Variants in EMSY observed in about 807,000 individuals in gnomAD.
EMSY encodes the protein EMSY transcriptional repressor, BRCA2 interacting, also known as BRCA2-interacting transcriptional repressor EMSY.
A neutral mutation model predicts 134.6 loss-of-function variants in EMSY; 26 were observed. The ratio of observed to expected loss-of-function variants is 0.19; its 90% CI spans 0.14 to 0.27. The LOEUF (loss-of-function observed/expected upper bound fraction) is 0.27, where lower values mean the gene tolerates loss of function less well. Ranked by LOEUF, EMSY falls within the 10% of genes least tolerant of loss-of-function variation. EMSY has a pLI of 1.00. For missense variants in EMSY, 1,305 were observed against 1,611.4 expected (o/e 0.81, Z 3.26); for synonymous variants, 579 against 577.8 (o/e 1.00, Z -0.03).
intron 8 of EMSY, among the ~76,000 whole-genome samples, chr11:76,494,727 C>A (rs1371559626): frequency 2.5e-5 from 2 of 78,998 alleles, no homozygotes; most frequent in African/African-American, 9.5e-5. Flanking sequence ...TCCTTCCTTC[C>A]TTCCTTCCTT....
chr11:76,493,427 AC>A (rs887284876), intron 8 of EMSY, among the ~76,000 whole-genome samples: 27 of 152,142 alleles, frequency 1.8e-4, no homozygotes, highest in African/African-American at 6.5e-4. Context: ...CCACCCTCAA[AC>A]CAGGGATGGC....
At chr11:76,529,059 A>G (rs908088226) in intron 14 of EMSY, among the ~76,000 whole-genome samples, 2 of 152,198 alleles carry the variant, frequency 1.3e-5, no homozygotes, top group African/African-American at 4.8e-5. Context: ...ATTCTACAGC[A>G]GAAAACTCTT....
chr11:76,545,743 A>C, intron 19 of EMSY, 54 bp from the exon 21 acceptor site: 1 of 1,527,138 alleles, frequency 6.5e-7, no homozygotes, highest in South Asian at 1.3e-5. Flanking sequence ...GTGTTTGATT[A>C]GATTTTCTCA....
At chr11:76,474,632 C>T in intron 8 of EMSY, among the ~76,000 whole-genome samples, 1 of 152,004 alleles carries the variant, frequency 6.6e-6, no homozygotes, top group East Asian at 1.9e-4. Flanking sequence ...GTTCTGATAC[C>T]CATTTAATGT....
At chr11:76,449,744 GT>G (rs1947575544) in intron 2 of EMSY, among the ~76,000 whole-genome samples, 2 of 152,064 alleles carry the variant, frequency 1.3e-5, no homozygotes, top group Non-Finnish European at 2.9e-5. Context: ...CATTTTTACC[GT>G]TCTCTGTTCT....
intron 6 of EMSY, chr11:76,460,309 G>T: frequency 2.2e-6 from 1 of 449,610 alleles, no homozygotes. Context: ...TTGTCTGTGG[G>T]TAATCTGCCT....
intron 12 of EMSY, among the ~76,000 whole-genome samples, chr11:76,526,233 T>A (rs2136331046): frequency 6.6e-6 from 1 of 152,326 alleles, no homozygotes; most frequent in Admixed American, 6.5e-5. Context: ...TAAAATTCGC[T>A]CATCAGAGAA....
intron 5 of EMSY, 26 bp from the exon 7 acceptor site, chr11:76,459,907 A>G (rs1948037145): frequency 1.2e-6 from 2 of 1,605,468 alleles, no homozygotes; most frequent in South Asian, 1.1e-5. Flanking sequence ...GAAAGTTAAC[A>G]GCAAACTTTT....
intron 11 of EMSY, among the ~76,000 whole-genome samples, chr11:76,522,052 T>G (rs1277885792): frequency 6.6e-6 from 1 of 151,918 alleles, no homozygotes; most frequent in African/African-American, 2.4e-5. Flanking sequence ...AAAATAAAAT[T>G]TTTTGAAAAA....
At chr11:76,522,858 T>G (rs968944008) in intron 11 of EMSY, among the ~76,000 whole-genome samples, 29 of 152,196 alleles carry the variant, frequency 1.9e-4, no homozygotes, top group Admixed American at 6.5e-4. Context: ...TTGTTTCTTT[T>G]AACTAGTCAG....
chr11:76,475,011 G>A (rs899357709), intron 8 of EMSY, among the ~76,000 whole-genome samples: 4 of 152,084 alleles, frequency 2.6e-5, no homozygotes, highest in Non-Finnish European at 5.9e-5. Flanking sequence ...AGATCCTCCC[G>A]CTTCAGCCTA....
rs1255709808 is a variant in EMSY at position 76,489,319 on chromosome 11, T to C, written c.1109-6896T>C. Reference sequence around the variant, plus strand: ...TGATCAGATTCTTCTTGTTTTCTTTTTTTTTTTTTTTTTGGTCTACTTGTT... The same window carrying C: ...TGATCAGATTCTTCTTGTTTTCTTTCTTTTTTTTTTTTTGGTCTACTTGTT... On this transcript the variant is annotated intron_variant, in intron 8 of 20. Coordinates refer to ENST00000334736, the Ensembl canonical transcript of EMSY. Among the ~76,000 whole-genome samples, 3 of 150,528 alleles carry C rather than the reference T, an allele frequency of 2.0e-5. No individual in the cohort carries two copies. The East Asian group carries it at 5.8e-4, about 29-fold the overall frequency.
At position 76,516,125 on chromosome 11, in the gene EMSY, C is replaced by T. The variant is rs1286041766; in HGVS notation, c.1514-17C>T. 6.2e-7 allele frequency: 1 copy of T among 1,601,216 alleles called. No individual in the cohort carries two copies. The highest frequency in any genetic ancestry group is 1.7e-5 in the Admixed American group (1 of 57,794). ...AAGCAATGACAAGTTTTTCTTTTGG[C>T]TTTTCCCTTTCTGTAGGCACACAAG... On this transcript the variant is annotated splice_polypyrimidine_tract_variant and intron_variant, in intron 10 of 20. Transcript: ENST00000334736.
intron 8 of EMSY, among the ~76,000 whole-genome samples, chr11:76,495,510 A>G (rs1949617719): frequency 6.6e-6 from 1 of 152,192 alleles, no homozygotes; most frequent in South Asian, 2.1e-4. Flanking sequence ...TCTTTAGTGA[A>G]AGTTACTAGT....
intron 9 of EMSY, 66 bp from the exon 11 acceptor site, chr11:76,513,320 G>T: frequency 1.3e-6 from 2 of 1,498,286 alleles, no homozygotes; most frequent in Non-Finnish European, 9.0e-7. Flanking sequence ...CTGCCCTCTT[G>T]GGTTGGTATA....
At chr11:76,488,625 GA>G (rs1444248724) in intron 8 of EMSY, among the ~76,000 whole-genome samples, 2 of 151,472 alleles carry the variant, frequency 1.3e-5, no homozygotes, top group East Asian at 1.9e-4. Context: ...GTGATTGAAT[GA>G]ATATCTTTAC....
chr11:76,471,227 T>C (rs1948556370), intron 7 of EMSY, among the ~76,000 whole-genome samples: 1 of 152,158 alleles, frequency 6.6e-6, no homozygotes, highest in Admixed American at 6.5e-5. Context: ...AAAATGGACT[T>C]TATTTTTTAA....
chr11:76,462,221 A>C (rs1279602295), intron 6 of EMSY, among the ~76,000 whole-genome samples: 2 of 152,252 alleles, frequency 1.3e-5, no homozygotes, highest in African/African-American at 4.8e-5. Flanking sequence ...CCTGGGCAAC[A>C]GTGTGAGACT....
At chr11:76,504,254 A>G (rs779358475) in intron 9 of EMSY, among the ~76,000 whole-genome samples, 6 of 150,588 alleles carry the variant, frequency 4.0e-5, no homozygotes, top group Admixed American at 4.0e-4. Flanking sequence ...AAAACCATAC[A>G]TGTACATGTA....
Sources: allele counts gnomAD v4.1 joint callset (sites outside exome capture counted in the v4.1 genomes callset), GRCh38; gene constraint gnomAD v4.1.1; transcripts MANE v1.5; gene names NCBI Gene and HGNC (gene_info 2026-07-23, HGNC 2026-07-21).